The following AGBL1 variants were observed in gnomAD, a reference collection of about 807,000 sequenced individuals.
The protein encoded by AGBL1 is AGBL carboxypeptidase 1.
Under a neutral mutation model 118.9 loss-of-function variants are expected in AGBL1, and 130 were observed. The ratio of observed to expected loss-of-function variants is 1.09; its 90% confidence interval spans 0.95 to 1.26. AGBL1 has a LOEUF of 1.26. AGBL1 is among the 50% of genes most tolerant of loss of function. AGBL1 has a pLI of 0.00. For synonymous variants in AGBL1, 555 were observed against 478.9 expected (o/e 1.16, Z -2.08); for missense variants, 1,584 against 1,298.1 (o/e 1.22, Z -3.38).
intron 22 of AGBL1, among the ~76,000 whole-genome samples, chr15:86,872,181 C>G (rs2079738988): frequency 6.6e-6 from 1 of 152,206 alleles, no homozygotes; most frequent in Admixed American, 6.5e-5. Context: ...ATGGCTGGGA[C>G]AGAAGAGCTT....
intron 5 of AGBL1, among the ~76,000 whole-genome samples, chr15:86,196,192 T>A (rs1320416561): frequency 1.3e-5 from 2 of 152,176 alleles, no homozygotes; most frequent in African/African-American, 4.8e-5. Context: ...CTGACTTAAA[T>A]GATTTAAGCA....
chr15:86,605,086 C>T (rs138032699), intron 21 of AGBL1, among the ~76,000 whole-genome samples: 160 of 152,050 alleles, frequency 1.1e-3, no homozygotes, highest in South Asian at 5.8e-3. Context: ...TGAGCCACCG[C>T]GCTCAGCTCA....
intron 5 of AGBL1, among the ~76,000 whole-genome samples, chr15:86,215,451 C>A (rs751276330): frequency 3.3e-5 from 5 of 152,190 alleles, no homozygotes; most frequent in Admixed American, 3.3e-4. Context: ...CCACTGCCAA[C>A]TCTAGTGAGG....
chr15:86,380,577 A>C (rs12903677), intron 17 of AGBL1, among the ~76,000 whole-genome samples: 65,671 of 136,220 alleles, frequency 0.48, 17,486 homozygotes, highest in African/African-American at 0.78. Context: ...CCCCTCCCTC[A>C]CTCCCTCCCT....
intron 2 of AGBL1, among the ~76,000 whole-genome samples, chr15:86,143,487 G>A (rs72750286): frequency 9.9e-5 from 15 of 152,240 alleles, no homozygotes; most frequent in Non-Finnish European, 2.1e-4. Context: ...ACACAACTAG[G>A]TTCTTAAATA....
intron 4 of AGBL1, among the ~76,000 whole-genome samples, chr15:86,156,558 C>A (rs1173464542): frequency 6.6e-6 from 1 of 152,114 alleles, no homozygotes; most frequent in Non-Finnish European, 1.5e-5. Context: ...CATAATGGAG[C>A]TCATAGACTT....
chr15:86,636,760 CACAT>C (rs1555432761), intron 21 of AGBL1, among the ~76,000 whole-genome samples: 12 of 27,492 alleles, frequency 4.4e-4, no homozygotes, highest in Admixed American at 1.7e-3. Context: ...TATATATATA[CACAT>C]ACATACAGAA....
chr15:86,606,996 T>A (rs2084586835), intron 21 of AGBL1, among the ~76,000 whole-genome samples: 1 of 104,088 alleles, frequency 9.6e-6, no homozygotes, highest in Non-Finnish European at 2.1e-5. Flanking sequence ...TGGTGGAAAT[T>A]ACTGAATTTT....
intron 22 of AGBL1, among the ~76,000 whole-genome samples, chr15:86,680,590 T>TG (rs1210689808): frequency 2.4e-5 from 3 of 125,882 alleles, no homozygotes; most frequent in East Asian, 2.3e-4. Context: ...TTTTTTGAGA[T>TG]GGGGGTCTCT....
intron 23 of AGBL1, among the ~76,000 whole-genome samples, chr15:86,923,539 C>A (rs2080501567): frequency 6.6e-6 from 1 of 152,200 alleles, no homozygotes; most frequent in Non-Finnish European, 1.5e-5. Context: ...GTGCTTCTAT[C>A]CATGAACGCT....
intron 22 of AGBL1, among the ~76,000 whole-genome samples, chr15:86,724,898 A>T (rs1486260715): frequency 1.3e-5 from 2 of 152,186 alleles, no homozygotes; most frequent in African/African-American, 4.8e-5. Context: ...TGAGGTCCTC[A>T]CCAGAAGTAG....
chr15:86,637,430 G>A (rs965021739), intron 21 of AGBL1, among the ~76,000 whole-genome samples: 1 of 152,132 alleles, frequency 6.6e-6, no homozygotes, highest in Admixed American at 6.6e-5. Context: ...TTGAAGAACA[G>A]ATGAAGGTGA....
chr15:86,701,556 C>G (rs921776623), intron 22 of AGBL1, among the ~76,000 whole-genome samples: 2 of 152,060 alleles, frequency 1.3e-5, no homozygotes, highest in Non-Finnish European at 2.9e-5. Flanking sequence ...CTTGCTTTGT[C>G]TCTTGAATGG....
At chr15:86,775,501 CAT>C (rs1156356021) in intron 22 of AGBL1, among the ~76,000 whole-genome samples, 1 of 152,048 alleles carries the variant, frequency 6.6e-6, no homozygotes, top group Non-Finnish European at 1.5e-5. Context: ...TGAGAGATGA[CAT>C]AGAAATTCAG....
chr15:86,345,883 A>C (rs2080528255), intron 17 of AGBL1, among the ~76,000 whole-genome samples: 1 of 152,036 alleles, frequency 6.6e-6, no homozygotes, highest in Non-Finnish European at 1.5e-5. Flanking sequence ...AGAGAGAGTT[A>C]TTTACCATCC....
intron 23 of AGBL1, among the ~76,000 whole-genome samples, chr15:86,923,772 T>G (rs892321429): frequency 6.6e-6 from 1 of 152,182 alleles, no homozygotes; most frequent in Non-Finnish European, 1.5e-5. Flanking sequence ...CCTATAAAAC[T>G]TCATGTTAAA....
intron 22 of AGBL1, among the ~76,000 whole-genome samples, chr15:86,682,700 TA>T (rs199690027): frequency 2.0e-5 from 3 of 152,132 alleles, no homozygotes; most frequent in African/African-American, 4.8e-5. Flanking sequence ...TTCTTAGCAG[TA>T]AAAAAAGAAC....
intron 21 of AGBL1, among the ~76,000 whole-genome samples, chr15:86,563,702 T>C (rs1200049333): frequency 2.6e-5 from 4 of 152,084 alleles, no homozygotes; most frequent in African/African-American, 9.7e-5. Flanking sequence ...CTTTCTGTCT[T>C]GTTGGTCTGT....
chr15:86,178,137 C>A (rs977372831), intron 5 of AGBL1, among the ~76,000 whole-genome samples: 2 of 152,106 alleles, frequency 1.3e-5, no homozygotes, highest in Non-Finnish European at 2.9e-5. Flanking sequence ...CGTGATGTAA[C>A]CCTGTCTCTA....
Sources: allele counts gnomAD v4.1 joint callset (sites outside exome capture counted in the v4.1 genomes callset), GRCh38; gene constraint gnomAD v4.1.1; transcripts MANE v1.5; gene names NCBI Gene and HGNC (gene_info 2026-07-23, HGNC 2026-07-21).